The following TRPV1 variants were observed in gnomAD, a reference collection of about 807,000 sequenced individuals.
The protein encoded by TRPV1 is OTRPC1.
Under a neutral mutation model 82.3 loss-of-function variants are expected in TRPV1, and 82 were observed. The ratio of observed to expected loss-of-function variants is 1.00; its 90% CI spans 0.83 to 1.20. The LOEUF (loss-of-function observed/expected upper bound fraction) is 1.20, where lower values mean the gene tolerates loss of function less well. TRPV1 is among the 50% of genes most tolerant of loss of function. The pLI, the probability that TRPV1 is intolerant of heterozygous loss-of-function variation, is 0.00. For missense variants in TRPV1, 1,067 were observed against 1,096.8 expected, an observed-to-expected ratio of 0.97 and a Z score of 0.38; for synonymous variants, 515 against 467.7, an observed-to-expected ratio of 1.10 and a Z score of -1.30.
At chr17:3,587,878 T>C (rs1160571610) in intron 8 of TRPV1, among the ~76,000 whole-genome samples, 1 of 151,512 alleles carries the variant, frequency 6.6e-6, no homozygotes, top group Non-Finnish European at 1.5e-5. Flanking sequence ...TTGTTGTACA[T>C]TGTGTATAGT....
chr17:3,570,922 G>A (rs1353072034), intron 16 of TRPV1, among the ~76,000 whole-genome samples: 1 of 152,142 alleles, frequency 6.6e-6, no homozygotes, highest in African/African-American at 2.4e-5. Context: ...TCACGATGTT[G>A]GCCAAGCTGG....
At chr17:3,585,317 A>C in intron 9 of TRPV1, 1 of 159,142 alleles carries the variant, frequency 6.3e-6, no homozygotes. Flanking sequence ...ACACCCAGTT[A>C]ATTTGGTGTT....
chr17:3,584,669 G>A (rs2075062705), intron 9 of TRPV1, among the ~76,000 whole-genome samples: 1 of 151,696 alleles, frequency 6.6e-6, no homozygotes, highest in South Asian at 2.1e-4. Context: ...GTTGGTGGGT[G>A]CCTGTAGTCC....
intron 3 of TRPV1, 68 bp downstream of exon 3, chr17:3,591,999 C>T: frequency 1.9e-6 from 3 of 1,550,562 alleles, no homozygotes; most frequent in Non-Finnish European, 2.6e-6. Context: ...AGAAGCCAGA[C>T]CACCCTGTGG....
chr17:3,572,984 GAAAAAAAAAAAA>G (rs137909617), intron 14 of TRPV1, among the ~76,000 whole-genome samples: 2 of 71,264 alleles, frequency 2.8e-5, no homozygotes, highest in Admixed American at 1.8e-4. Context: ...CTCCATCTCA[GAAAAAAAAAAAA>G]AAAAAAAAAA....
In TRPV1 at chr17:3,601,144, C is replaced by G. The variant is rs1000511890; in HGVS notation, c.-34+7283G>C. Reference sequence around the variant, plus strand: ...TCCTTCTGGCCACCAAACCCGGTGCCCTTTGTGACCTCCAGCCTCTCCTTC... The same window carrying G: ...TCCTTCTGGCCACCAAACCCGGTGCGCTTTGTGACCTCCAGCCTCTCCTTC... On this transcript the variant is annotated intron_variant, in intron 2 of 16. Transcript: ENST00000572705. 2.0e-5 allele frequency among the ~76,000 whole-genome samples: 3 copies of G among 152,090 alleles called. No homozygotes were observed. In the South Asian group the frequency reaches 6.2e-4, roughly 32 times the overall value.
rs1482799035 is a variant in TRPV1, at chr17:3,591,070, C to A, written c.498G>T (p.Leu166=). The A allele has an allele frequency of 1.2e-6, 2 of 1,612,984 alleles. No individual in the cohort carries two copies. Among genetic ancestry groups the A allele is most frequent in the Non-Finnish European group, 1.7e-6 (2 of 1,179,590 alleles). Residue 166 remains leucine (L), a synonymous_variant, in exon 5 of 17, where the codon CTG becomes CTT. Coordinates refer to ENST00000572705, the MANE Select transcript of TRPV1 (RefSeq NM_080704.4). ...GGATGGTGGTGTTCTGTCCGTCGTGCAGGTTGAGCATGGCTTTCAGCAGAC... is the reference window on the plus strand; with the variant it reads ...GGATGGTGGTGTTCTGTCCGTCGTGAAGGTTGAGCATGGCTTTCAGCAGAC... ...KTCLLKAMLN[L]HDGQNTTIPL...
At chr17:3,600,405 T>C (rs775361932) in intron 2 of TRPV1, among the ~76,000 whole-genome samples, 1 of 152,118 alleles carries the variant, frequency 6.6e-6, no homozygotes, top group Non-Finnish European at 1.5e-5. Flanking sequence ...CTAGCCAACA[T>C]AGTGGAACCT....
intron 16 of TRPV1, among the ~76,000 whole-genome samples, chr17:3,568,715 C>T (rs532038188): frequency 6.6e-6 from 1 of 152,198 alleles, no homozygotes; most frequent in South Asian, 2.1e-4. Flanking sequence ...TCAAATAACA[C>T]CAACTTAGCA....
At chr17:3,590,844 C>A in intron 5 of TRPV1, 120 bp downstream of exon 5, 2 of 1,342,056 alleles carry the variant, frequency 1.5e-6, no homozygotes, top group Non-Finnish European at 2.0e-6. Flanking sequence ...GAGCCACCAA[C>A]GCAGTGGCTG....
At chr17:3,602,982 G>A (rs1437420390) in intron 2 of TRPV1, among the ~76,000 whole-genome samples, 5 of 152,044 alleles carry the variant, frequency 3.3e-5, no homozygotes, top group Admixed American at 6.5e-5. Context: ...TTAGCCAGGC[G>A]TGGTGGTGCA....
chr17:3,571,418 G>A (rs945116549), intron 16 of TRPV1, 106 bp downstream of exon 16: 13 of 870,852 alleles, frequency 1.5e-5, no homozygotes, highest in South Asian at 8.1e-5. Flanking sequence ...CCCGGGTCCT[G>A]GGGGGATGAG....
chr17:3,602,945 A>G (rs994913269), intron 2 of TRPV1, among the ~76,000 whole-genome samples: 1 of 152,054 alleles, frequency 6.6e-6, no homozygotes, highest in African/African-American at 2.4e-5. Flanking sequence ...AACATGGAGA[A>G]ACCCCGTCTC....
In TRPV1 at chr17:3,573,918, G is replaced by C; in HGVS notation, c.1818C>G (p.Ser606=). ...VTLIEDGKND[S]LPSESTSHRW... is the part of the protein sequence containing the mutation. ...TGTGCGACGTGGACTCAGACGGCAG[G>C]GAGTCATTCTTCCCGTCTTCAATCA... The change falls in exon 14 of 17, where the codon TCC becomes TCG. Residue 606 remains serine, a synonymous_variant. Coordinates refer to ENST00000572705, the MANE Select transcript of TRPV1 (RefSeq NM_080704.4). 6.2e-7 allele frequency: 1 copy of C among 1,607,046 alleles called. No homozygotes were observed. The highest frequency in any genetic ancestry group is 1.1e-5 in the South Asian group (1 of 90,124).
chr17:3,584,942 TCTTA>T (rs1184371200), intron 9 of TRPV1, among the ~76,000 whole-genome samples: 1 of 152,178 alleles, frequency 6.6e-6, no homozygotes, highest in Admixed American at 6.5e-5. Flanking sequence ...AAAAGGCTGG[TCTTA>T]GGCTGATTTG....
chr17:3,582,009 T>G (rs1267906508), intron 10 of TRPV1, among the ~76,000 whole-genome samples: 3 of 144,402 alleles, frequency 2.1e-5, no homozygotes, highest in Non-Finnish European at 3.0e-5. Context: ...GCTAACACGG[T>G]GAAACCCCGT....
rs2075157326 is a variant in TRPV1, at chr17:3,591,485, C to T, written c.285-132G>A. 15 of 1,081,912 alleles carry T rather than the reference C, an allele frequency of 1.4e-5. No homozygotes were observed. In the South Asian group the frequency reaches 2.0e-4, roughly 15 times the overall value. The allele number at this position is 1,081,912 out of a possible 1,614,324, so 67.0% of individuals were successfully genotyped here. A position where few individuals can be genotyped will look rare whatever the true frequency, so the allele number is the denominator to read the frequency against. The stretch of plus-strand genomic sequence containing the variant: ...GGGGAAAAATGATATAAAAGCTGCC[C>T]CTCAGTCTAGGTGACTGTCCAGAAA... On this transcript the variant is annotated intron_variant, in intron 3 of 16. Coordinates refer to ENST00000572705, the MANE Select transcript of TRPV1 (RefSeq NM_080704.4).
intron 10 of TRPV1, among the ~76,000 whole-genome samples, chr17:3,582,623 A>C (rs921745925): frequency 2.1e-5 from 3 of 145,474 alleles, no homozygotes; most frequent in African/African-American, 7.3e-5. Flanking sequence ...AAAAAAAAAA[A>C]ATGGCCAAGG....
chr17:3,576,668 A>AAAAAAAAATATATATATATATATATAT, intron 13 of TRPV1, among the ~76,000 whole-genome samples: 3 of 38,418 alleles, frequency 7.8e-5, no homozygotes, highest in Non-Finnish European at 1.1e-4. Flanking sequence ...AAAAAAAAAA[A>AAAAAAAAATATATATATATATATATAT]ATATATATAT....
Sources: allele counts gnomAD v4.1 joint callset (sites outside exome capture counted in the v4.1 genomes callset), GRCh38; gene constraint gnomAD v4.1.1; transcripts MANE v1.5; gene names NCBI Gene and HGNC (gene_info 2026-07-23, HGNC 2026-07-21).